Variants in NAALADL2 observed in about 807,000 individuals in gnomAD.
NAALADL2 encodes inactive N-acetylated-alpha-linked acidic dipeptidase-like protein 2.
NAALADL2 carries 76 observed loss-of-function variants against 87.2 expected under a neutral mutation model. The ratio of observed to expected loss-of-function variants is 0.87; its 90% confidence interval spans 0.72 to 1.05. The LOEUF is 1.05. Ranked by LOEUF, NAALADL2 falls within the 50% of genes least tolerant of loss-of-function variation. The pLI, the probability that NAALADL2 is intolerant of heterozygous loss-of-function variation, is 0.00. For synonymous variants in NAALADL2, 354 were observed against 331.0 expected, an observed-to-expected ratio of 1.07 and a Z score of -0.75; for missense variants, 1,089 against 945.8, an observed-to-expected ratio of 1.15 and a Z score of -1.99.
intron 1 of NAALADL2, among the ~76,000 whole-genome samples, chr3:174,497,754 G>A (rs1231668045): frequency 6.6e-6 from 1 of 152,120 alleles, no homozygotes; most frequent in Non-Finnish European, 1.5e-5. Context: ...ATAAATGGTA[G>A]TTCAATTTAT....
intron 2 of NAALADL2, among the ~76,000 whole-genome samples, chr3:174,598,642 A>G (rs1253584369): frequency 6.6e-6 from 1 of 152,130 alleles, no homozygotes; most frequent in African/African-American, 2.4e-5. Flanking sequence ...TTCATGATAA[A>G]CAGCTTTTAG....
At chr3:175,393,154 G>T (rs1769280063) in intron 5 of NAALADL2, among the ~76,000 whole-genome samples, 2 of 150,474 alleles carry the variant, frequency 1.3e-5, no homozygotes, top group Non-Finnish European at 3.0e-5. Context: ...GGCGCCTGTA[G>T]TCCCAGCTAC....
intron 1 of NAALADL2, among the ~76,000 whole-genome samples, chr3:174,877,736 A>T (rs1424420414): frequency 1.3e-5 from 2 of 152,116 alleles, no homozygotes; most frequent in South Asian, 4.1e-4. Context: ...ATTGCAAGGG[A>T]GAAGCAGTAA....
At chr3:174,880,664 A>G (rs943474060) in intron 1 of NAALADL2, among the ~76,000 whole-genome samples, 2 of 152,052 alleles carry the variant, frequency 1.3e-5, no homozygotes, top group African/African-American at 4.8e-5. Context: ...TCCTTCTCAT[A>G]GGTCTGCTTT....
At chr3:175,251,143 A>T (rs1228247010) in intron 3 of NAALADL2, among the ~76,000 whole-genome samples, 1 of 152,226 alleles carries the variant, frequency 6.6e-6, no homozygotes, top group African/African-American at 2.4e-5. Flanking sequence ...TTAAAAAATT[A>T]ACTTTTTAAA....
In NAALADL2 at chr3:175,595,790, A is replaced by G. The variant is rs538589415; in HGVS notation, c.1800+19603A>G. ...CCATGCTCATGATTTGGAAGAATCC[A>G]TATGGTTAAAATGACCATACTGCCC... On this transcript the variant is annotated intron_variant, in intron 10 of 13. Coordinates refer to ENST00000454872, the MANE Select transcript of NAALADL2 (RefSeq NM_207015.3). Among the ~76,000 whole-genome samples the G allele has an allele frequency of 5.9e-5, 9 of 152,168 alleles. No homozygotes were observed. In the South Asian group the frequency reaches 1.7e-3, roughly 28 times the overall value.
At chr3:175,146,085 T>C (rs1379956713) in intron 2 of NAALADL2, among the ~76,000 whole-genome samples, 1 of 152,162 alleles carries the variant, frequency 6.6e-6, no homozygotes, top group Non-Finnish European at 1.5e-5. Flanking sequence ...GTAAGATTCG[T>C]GATTCTTACA....
rs915136106 is a variant in NAALADL2, at chr3:175,204,538, A to C, written c.546-29393A>C. On this transcript the variant is annotated intron_variant, in intron 2 of 13. Transcript: ENST00000454872. ...AAGCATTCCCTCTGAGGACTGAAAC[A>C]AGACAAAGATGCCCACTCTTAGCAC... Among the ~76,000 whole-genome samples the C allele has an allele frequency of 3.9e-5, 6 of 152,154 alleles. No homozygotes were observed. In the East Asian group the frequency reaches 1.2e-3, roughly 29 times the overall value.
rs372741122 is a variant in NAALADL2, at chr3:175,012,967, G to GTATATATATA, written c.44-83820_44-83811dup. Among the ~76,000 whole-genome samples, 816 of 126,962 alleles carry GTATATATATA rather than the reference G, an allele frequency of 6.4e-3. 8 individuals are homozygous for GTATATATATA. Among genetic ancestry groups the GTATATATATA allele is most frequent in the African/African-American group, 0.018 (519 of 29,510 alleles). The allele number at this position is 126,962 out of a possible 152,430, so 83.3% of individuals were successfully genotyped here. On this transcript the variant is annotated intron_variant, in intron 1 of 13. Coordinates refer to ENST00000454872, the MANE Select transcript of NAALADL2 (RefSeq NM_207015.3). Reference sequence around the variant, plus strand: ...TGTCCAATATAGCCTAGATGTGTGTGTATATATATATACACAAAAATATAT... The same window carrying GTATATATATA: ...TGTCCAATATAGCCTAGATGTGTGTGTATATATATATATATATATATACACAAAAATATAT...
intron 1 of NAALADL2, among the ~76,000 whole-genome samples, chr3:174,532,541 T>A (rs1240755485): frequency 6.6e-6 from 1 of 152,148 alleles, no homozygotes; most frequent in Non-Finnish European, 1.5e-5. Flanking sequence ...TATATGGAAC[T>A]CAGAGTACTG....
At chr3:175,323,396 A>G (rs1162369056) in intron 4 of NAALADL2, among the ~76,000 whole-genome samples, 1 of 149,296 alleles carries the variant, frequency 6.7e-6, no homozygotes. Context: ...CTAGATGACG[A>G]GTTAGTGGGT....
intron 1 of NAALADL2, among the ~76,000 whole-genome samples, chr3:174,486,648 C>T (rs1322912844): frequency 1.3e-5 from 2 of 151,902 alleles, no homozygotes; most frequent in African/African-American, 4.8e-5. Flanking sequence ...GTTGATTTTT[C>T]AGTTTGTTCT....
chr3:175,223,852 G>A (rs1313063971), intron 2 of NAALADL2, among the ~76,000 whole-genome samples: 1 of 152,150 alleles, frequency 6.6e-6, no homozygotes, highest in African/African-American at 2.4e-5. Flanking sequence ...AGAAAGAGAA[G>A]AAGGGAAGTT....
intron 3 of NAALADL2, among the ~76,000 whole-genome samples, chr3:174,801,024 A>G (rs1377343572): frequency 1.3e-5 from 2 of 152,178 alleles, no homozygotes; most frequent in African/African-American, 4.8e-5. Context: ...TTACAGAGTC[A>G]TAGGTGGAAA....
chr3:174,655,841 TA>T (rs1265285832), intron 2 of NAALADL2, among the ~76,000 whole-genome samples: 7 of 152,210 alleles, frequency 4.6e-5, no homozygotes, highest in Non-Finnish European at 1.0e-4. Context: ...ATAAAAGTTT[TA>T]AAACACATTT....
At chr3:174,873,225 A>ATGTC (rs1491447069) in intron 1 of NAALADL2, among the ~76,000 whole-genome samples, 1 of 137,310 alleles carries the variant, frequency 7.3e-6, no homozygotes, top group African/African-American at 2.9e-5. Flanking sequence ...CTCTGTGTAC[A>ATGTC]TGTCTTTATT....
At chr3:174,508,862 A>G (rs1719397132) in intron 1 of NAALADL2, among the ~76,000 whole-genome samples, 1 of 152,186 alleles carries the variant, frequency 6.6e-6, no homozygotes, top group African/African-American at 2.4e-5. Flanking sequence ...CAGCATGGGT[A>G]ATGTGGCAAA....
rs139501476 is a variant in NAALADL2, at chr3:174,883,867, T to C, written c.43+24417T>C. ...TGTAATTTCCCATTGACCTTAAACA[T>C]AGGGCATGGTAATACTAAGAGACCC... is the stretch of plus-strand genomic sequence containing the variant. On this transcript the variant is annotated intron_variant, in intron 1 of 13. Transcript: ENST00000454872. Among the ~76,000 whole-genome samples the C allele has an allele frequency of 5.3e-5, 8 of 152,264 alleles. No individual in the cohort carries two copies. The East Asian group carries it at 1.2e-3, about 22-fold the overall frequency.
At chr3:175,005,589 T>C (rs542177037) in intron 1 of NAALADL2, among the ~76,000 whole-genome samples, 1 of 152,214 alleles carries the variant, frequency 6.6e-6, no homozygotes, top group East Asian at 1.9e-4. Flanking sequence ...TCTACACAAA[T>C]GCAAAGTATA....
Sources: allele counts gnomAD v4.1 joint callset (sites outside exome capture counted in the v4.1 genomes callset), GRCh38; gene constraint gnomAD v4.1.1; transcripts MANE v1.5; gene names NCBI Gene and HGNC (gene_info 2026-07-23, HGNC 2026-07-21).